HUWE1: variants seen among roughly 807,000 people sequenced by gnomAD.
HUWE1 encodes the protein E3 ubiquitin-protein ligase HUWE1.
A neutral mutation model predicts 299.4 loss-of-function variants in HUWE1; 18 were observed. The ratio of observed to expected loss-of-function variants is 0.06; its 90% confidence interval spans 0.04 to 0.09. The LOEUF (loss-of-function observed/expected upper bound fraction) is 0.09. Ranked by LOEUF, HUWE1 falls within the 10% of genes least tolerant of loss-of-function variation. The probability of loss-of-function intolerance (pLI) is 1.00; values close to 1 mark genes in which losing one functional copy is unlikely to be tolerated. For synonymous variants in HUWE1, 1,317 were observed against 1,286.1 expected, an observed-to-expected ratio of 1.02 and a Z score of -0.51; for missense variants, 1,832 against 3,462.3, an observed-to-expected ratio of 0.53 and a Z score of 11.82.
chrX:53,643,480 G>A (rs2067754625), intron 7 of HUWE1, among the ~76,000 whole-genome samples: 1 of 110,761 alleles, frequency 9.0e-6, no homozygotes, highest in South Asian at 3.8e-4. Context: ...GTCCTGAGTA[G>A]CTAGGATTAC....
At chrX:53,625,832 A>G (rs782487226) in intron 17 of HUWE1, 31 of 129,251 alleles carry the variant, frequency 2.4e-4, no homozygotes, top group South Asian at 5.8e-4. Context: ...CGGGACCAGG[A>G]CCGGGGCCGG....
rs112629791 is a variant in HUWE1 at position 53,590,909 on chromosome X, A to G, written c.4095+91T>C. On this transcript the variant is annotated intron_variant, in intron 34 of 83. Transcript: ENST00000262854. ...CTGAAAATGAGAAGCAGTTTATAGA[A>G]AGGAAGACCAATGACAGAATAATAA... 7.8e-4 allele frequency: 825 copies of G among 1,061,477 alleles called. 3 individuals carry two copies. The African/African-American group carries it at 0.014, about 18-fold the overall frequency. 87.5% of individuals were successfully genotyped at this position (1,061,477 alleles called of 1,213,427 possible).
chrX:53,553,393 C>A (rs1230049396), intron 61 of HUWE1, among the ~76,000 whole-genome samples: 1 of 108,070 alleles, frequency 9.3e-6, no homozygotes, highest in Admixed American at 9.8e-5. Context: ...CCACCTGCCT[C>A]GGCCTCCCAA....
intron 79 of HUWE1, 36 bp from the exon 80 acceptor site, chrX:53,536,288 G>C (rs190824963): frequency 1.7e-6 from 2 of 1,143,769 alleles, no homozygotes; most frequent in African/African-American, 1.8e-5. Context: ...CATGGTTTGC[G>C]AGTGGGGGGG....
At chrX:53,626,767 G>T (rs1407523244) in intron 17 of HUWE1, among the ~76,000 whole-genome samples, 7 of 111,559 alleles carry the variant, frequency 6.3e-5, no homozygotes, top group Middle Eastern at 4.6e-3. Flanking sequence ...CCCAGGCTCA[G>T]ATGATCCTCT....
rs1556936105 is a variant in HUWE1, at chrX:53,557,399, G to C, written c.8189C>G (p.Thr2730Ser). 2 of 1,209,217 alleles carry C rather than the reference G, an allele frequency of 1.7e-6. No individual in the cohort carries two copies. Among genetic ancestry groups the C allele is most frequent in the Non-Finnish European group, 2.2e-6 (2 of 893,004 alleles). Residue 2730 changes from threonine (T) to serine (S), a missense_variant, in exon 60 of 84, where the codon ACT becomes AGT. Physicochemically the swap from Thr to Ser is moderately conservative, Grantham distance 58. This residue lies in a region of HUWE1 where 143 missense variants were observed against 148.1 expected (regional missense o/e 0.97). Transcript: ENST00000262854. Reference protein sequence around the residue: ...QCTASKSNDSTEQNLSDGTPM... With the variant: ...QCTASKSNDSSEQNLSDGTPM... ...AGAGTTACCTGAGAGATTCTGTTCA[G>C]TGGAGTCATTTGACTTAGATGCAGT...
rs1016944999 is a variant in HUWE1 at position 53,589,877 on chromosome X, G to A, written c.4192-61C>T. 5.5e-6 allele frequency: 6 copies of A among 1,086,838 alleles called. No individual in the cohort carries two copies. In the Admixed American group the frequency reaches 7.5e-5, roughly 14 times the overall value. The allele number at this position is 1,086,838 out of a possible 1,213,427, so 89.6% of individuals were successfully genotyped here. A position where few individuals can be genotyped will look rare whatever the true frequency, so the allele number is the denominator to read the frequency against. The stretch of plus-strand genomic sequence containing the variant: ...GAGAGGTGAAGGAGGAAAGATAAGA[G>A]AGACTCTGAGAATGTTTTTGCTCTA... On this transcript the variant is annotated intron_variant, in intron 35 of 83. Transcript: ENST00000262854.
chrX:53,627,992 G>A (rs1475559272), intron 15 of HUWE1, 113 bp from the exon 16 acceptor site: 2 of 651,179 alleles, frequency 3.1e-6, no homozygotes, highest in African/African-American at 2.2e-5. Context: ...GCACAGTATG[G>A]GGGAAAACAT....
intron 7 of HUWE1, among the ~76,000 whole-genome samples, chrX:53,641,080 T>C (rs782438931): frequency 2.7e-5 from 3 of 111,605 alleles, no homozygotes; most frequent in Non-Finnish European, 3.8e-5. Flanking sequence ...AAGTCACCTG[T>C]ATTTACCTCT....
chrX:53,617,284 G>T, intron 20 of HUWE1, 56 bp downstream of exon 20: 1 of 991,814 alleles, frequency 1.0e-6, no homozygotes. Flanking sequence ...ACACACAGAA[G>T]AGATAGGATT....
chrX:53,554,699 C>A lies in HUWE1; in HGVS notation c.8428G>T (p.Gly2810Cys). 8.3e-7 allele frequency: 1 copy of A among 1,210,917 alleles called. No homozygotes were observed. Among genetic ancestry groups the A allele is most frequent in the Non-Finnish European group, 1.1e-6 (1 of 895,084 alleles). ...LLMPVEPEEL[G>C]PTRPSGEAET... The stretch of plus-strand genomic sequence containing the variant: ...GCTTCCCCACTTGGCCTTGTGGGAC[C>A]CAATTCCTCTGGCTCTACAGGCATC... The change falls in exon 61 of 84, where the codon GGT becomes TGT. Residue 2810 changes from glycine (G) to cysteine (C), a missense_variant. Coordinates refer to ENST00000262854, the MANE Select transcript of HUWE1 (RefSeq NM_031407.7).
intron 19 of HUWE1, 48 bp from the exon 20 acceptor site, chrX:53,617,494 A>C: frequency 2.5e-6 from 2 of 789,377 alleles, no homozygotes; most frequent in Non-Finnish European, 3.8e-6. Flanking sequence ...TCCTCACAGA[A>C]ACTGAAAACA....
In HUWE1 at chrX:53,586,767, T is replaced by C; in HGVS notation, c.4742+15A>G. 8.3e-7 allele frequency: 1 copy of C among 1,210,904 alleles called. No individual in the cohort carries two copies. Among genetic ancestry groups the C allele is most frequent in the Non-Finnish European group, 1.1e-6 (1 of 894,989 alleles). ...GAAATAGAAACGAAACTAGGGTAGA[T>C]ATAGGGTTACTCACTTTGGGGTCTG... On this transcript the variant is annotated intron_variant, in intron 38 of 83. Transcript: ENST00000262854.
chrX:53,555,026 TG>T, intron 60 of HUWE1, 106 bp from the exon 61 acceptor site: 1 of 579,316 alleles, frequency 1.7e-6, no homozygotes, highest in Non-Finnish European at 2.6e-6. Context: ...ACCCAGCCAG[TG>T]ATCATCCCCA....
chrX:53,675,441 T>A (rs907719637), intron 3 of HUWE1, among the ~76,000 whole-genome samples: 1 of 111,503 alleles, frequency 9.0e-6, no homozygotes, highest in Admixed American at 9.5e-5. Context: ...TGAGAAACAA[T>A]GGACAGGCTA....
intron 47 of HUWE1, 150 bp from the exon 48 acceptor site, chrX:53,569,977 T>A: frequency 1.1e-5 from 6 of 557,071 alleles, no homozygotes; most frequent in Non-Finnish European, 1.2e-5. Context: ...AAGCCAAGGC[T>A]CAAAGATACA....
At chrX:53,632,186 T>C (rs2066920084) in intron 9 of HUWE1, 1 of 345,529 alleles carries the variant, frequency 2.9e-6, no homozygotes, top group Non-Finnish European at 5.2e-6. Context: ...GCCATCACCA[T>C]CCAAACTACT....
At chrX:53,589,518 T>TC (rs782110440) in intron 36 of HUWE1, 29 bp downstream of exon 36, 2 of 1,200,105 alleles carry the variant, frequency 1.7e-6, no homozygotes, top group Admixed American at 4.3e-5. Context: ...CTTCACATAC[T>TC]CCCCTCTTCT....
chrX:53,563,842 T>C lies in HUWE1; in HGVS notation c.7030-21A>G, dbSNP rs782592992. Reference sequence around the variant, plus strand: ...TCAACCTGGAGAGAAATAGAACATATATATGGATGCACACAAGTCTATCAT... The same window carrying C: ...TCAACCTGGAGAGAAATAGAACATACATATGGATGCACACAAGTCTATCAT... On this transcript the variant is annotated intron_variant, in intron 51 of 83. Transcript: ENST00000262854. 5.8e-6 allele frequency: 7 copies of C among 1,200,417 alleles called. No individual in the cohort carries two copies. The South Asian group carries it at 9.0e-5, about 15-fold the overall frequency.
Sources: allele counts gnomAD v4.1 joint callset (sites outside exome capture counted in the v4.1 genomes callset), GRCh38; gene constraint gnomAD v4.1.1; regional missense constraint gnomAD v4.1.1; transcripts MANE v1.5; gene names NCBI Gene and HGNC (gene_info 2026-07-23, HGNC 2026-07-21).